The following TNFSF4 variants were observed in gnomAD, a reference collection of about 807,000 sequenced individuals.
TNFSF4 encodes the protein TNF superfamily member 4.
TNFSF4 carries 4 observed loss-of-function variants against 7.3 expected under a neutral mutation model. The ratio of observed to expected loss-of-function variants is 0.55; its 90% CI spans 0.27 to 1.25. TNFSF4 has a LOEUF of 1.25. TNFSF4 is among the 50% of genes most tolerant of loss of function. The pLI, the probability that TNFSF4 is intolerant of heterozygous loss-of-function variation, is 0.12. For missense variants in TNFSF4, 181 were observed against 208.8 expected, an observed-to-expected ratio of 0.87 and a Z score of 0.82; for synonymous variants, 76 against 83.7, an observed-to-expected ratio of 0.91 and a Z score of 0.50.
At chr1:173,250,959 T>A in the TNFSF4 span, among the ~76,000 whole-genome samples, 6 of 152,172 alleles carry the variant, frequency 3.9e-5, no homozygotes, top group Non-Finnish European at 7.3e-5. Flanking sequence ...TCTCAAAATG[T>A]AGTCCCCACA....
At chr1:173,441,438 C>CA in the TNFSF4 span, among the ~76,000 whole-genome samples, 1 of 152,150 alleles carries the variant, frequency 6.6e-6, no homozygotes, top group African/African-American at 2.4e-5. Flanking sequence ...GCCTGGCCAA[C>CA]ATGGTGAAAT....
At chr1:173,369,724 C>T in the TNFSF4 span, among the ~76,000 whole-genome samples, 1 of 152,116 alleles carries the variant, frequency 6.6e-6, no homozygotes, top group Non-Finnish European at 1.5e-5. Flanking sequence ...AATATTCTTC[C>T]TCTGATGGGG....
chr1:173,362,459 T>G, the TNFSF4 span: 1 of 517,032 alleles, frequency 1.9e-6, no homozygotes, highest in South Asian at 1.5e-5. Flanking sequence ...AATTCCTTCT[T>G]CTGCTTCTCT....
At chr1:173,260,967 C>G in the TNFSF4 span, among the ~76,000 whole-genome samples, 7 of 152,158 alleles carry the variant, frequency 4.6e-5, no homozygotes, top group African/African-American at 1.7e-4. Context: ...AGGGCTTGAA[C>G]TCAGCTCTGA....
At chr1:173,248,406 G>GGAAA in the TNFSF4 span, among the ~76,000 whole-genome samples, 2 of 135,052 alleles carry the variant, frequency 1.5e-5, no homozygotes, top group Non-Finnish European at 3.1e-5. Context: ...AAGGAAGGAA[G>GGAAA]GAAAGAAAGA....
chr1:173,248,491 G>GGAAAGAAAGAAAGAAAGAAAGAAA, the TNFSF4 span, among the ~76,000 whole-genome samples: 6 of 136,104 alleles, frequency 4.4e-5, no homozygotes, highest in Middle Eastern at 3.5e-3. Flanking sequence ...AAGGAAGGAA[G>GGAAAGAAAGAAAGAAAGAAAGAAA]GAAAGAAAGA....
the TNFSF4 span, among the ~76,000 whole-genome samples, chr1:173,214,290 C>A: frequency 6.6e-6 from 1 of 152,176 alleles, no homozygotes; most frequent in Non-Finnish European, 1.5e-5. Context: ...GAGCTGGTAT[C>A]CGAATCCAGC....
the TNFSF4 span, among the ~76,000 whole-genome samples, chr1:173,411,377 A>G: frequency 6.6e-6 from 1 of 152,204 alleles, no homozygotes; most frequent in Non-Finnish European, 1.5e-5. Context: ...ATTATTTTTC[A>G]TGTCTTCACC....
At chr1:173,375,231 G>A in the TNFSF4 span, among the ~76,000 whole-genome samples, 1 of 152,172 alleles carries the variant, frequency 6.6e-6, no homozygotes, top group Non-Finnish European at 1.5e-5. Flanking sequence ...AACCCCAAAT[G>A]AGCTCAACTC....
chr1:173,311,666 T>G, the TNFSF4 span, among the ~76,000 whole-genome samples: 1 of 151,994 alleles, frequency 6.6e-6, no homozygotes. Context: ...AAGGTGTCCA[T>G]GAGGAAGTTC....
At chr1:173,191,649 G>A (rs546512813) in intron 1 of TNFSF4, among the ~76,000 whole-genome samples, 1 of 152,210 alleles carries the variant, frequency 6.6e-6, no homozygotes, top group Non-Finnish European at 1.5e-5. Context: ...TGGGTAGGCA[G>A]CCTGGTAGGA....
chr1:173,405,448 C>T, the TNFSF4 span, among the ~76,000 whole-genome samples: 2 of 152,130 alleles, frequency 1.3e-5, no homozygotes, highest in African/African-American at 4.8e-5. Flanking sequence ...TGGAATTGGC[C>T]CACAGGTCAC....
At chr1:173,403,696 G>A in the TNFSF4 span, among the ~76,000 whole-genome samples, 1 of 152,222 alleles carries the variant, frequency 6.6e-6, no homozygotes, top group African/African-American at 2.4e-5. Context: ...GAGGTCAGGA[G>A]TTCAAGACAA....
chr1:173,372,192 A>G, the TNFSF4 span, among the ~76,000 whole-genome samples: 1 of 152,232 alleles, frequency 6.6e-6, no homozygotes, highest in East Asian at 1.9e-4. Context: ...AAGACAGCCT[A>G]TACTGGCTTG....
At chr1:173,367,629 T>G in the TNFSF4 span, among the ~76,000 whole-genome samples, 1 of 152,182 alleles carries the variant, frequency 6.6e-6, no homozygotes, top group Admixed American at 6.5e-5. Flanking sequence ...CATAAGATCA[T>G]GTGAACCCAC....
At chr1:173,371,233 G>A in the TNFSF4 span, among the ~76,000 whole-genome samples, 1 of 152,160 alleles carries the variant, frequency 6.6e-6, no homozygotes, top group East Asian at 1.9e-4. Flanking sequence ...AGGAATCCTG[G>A]GACAGCCTGT....
chr1:173,328,848 T>A, the TNFSF4 span, among the ~76,000 whole-genome samples: 2 of 152,030 alleles, frequency 1.3e-5, no homozygotes, highest in African/African-American at 4.8e-5. Flanking sequence ...TTAGAAACTT[T>A]TGTGCTTCAG....
the TNFSF4 span, among the ~76,000 whole-genome samples, chr1:173,359,510 T>TAAAAAAAAAAA: frequency 1.6e-5 from 2 of 122,748 alleles, no homozygotes; most frequent in Admixed American, 8.2e-5. Flanking sequence ...TTACCAGCTG[T>TAAAAAAAAAAA]AAAAAAAAAA....
the TNFSF4 span, among the ~76,000 whole-genome samples, chr1:173,357,771 G>A: frequency 5.1e-4 from 77 of 152,018 alleles, no homozygotes; most frequent in African/African-American, 1.8e-3. Context: ...CCGACCTCAG[G>A]TGATCTGCCC....
Sources: gnomAD v4.1 joint callset for allele counts (sites outside exome capture counted in the v4.1 genomes callset) on GRCh38, gnomAD v4.1.1 for gene constraint, MANE v1.5 for transcripts, NCBI Gene and HGNC (gene_info 2026-07-23, HGNC 2026-07-21) for gene names.